The following SAMD5 variants were observed in gnomAD, a reference collection of about 807,000 sequenced individuals.
SAMD5 encodes the protein sterile alpha motif domain-containing protein 5.
In SAMD5, 13 loss-of-function variants were observed where a neutral mutation model predicts 11.3. That is an observed-to-expected ratio of 1.15 (90% CI 0.75 to 1.83). SAMD5 has a LOEUF of 1.83. Among genes scored for constraint, SAMD5 ranks in the 40% most tolerant of loss-of-function variants. The pLI, the probability that SAMD5 is intolerant of heterozygous loss-of-function variation, is 0.00. For missense variants in SAMD5, 255 were observed against 239.1 expected, an observed-to-expected ratio of 1.07 and a Z score of -0.44; for synonymous variants, 129 against 111.3, an observed-to-expected ratio of 1.16 and a Z score of -1.00.
At chr6:147,748,539 G>A in the SAMD5 span, among the ~76,000 whole-genome samples, 1 of 152,150 alleles carries the variant, frequency 6.6e-6, no homozygotes, top group African/African-American at 2.4e-5. Flanking sequence ...GGCCAATCCA[G>A]TGGAGAAAAT....
chr6:147,640,585 C>A (rs1218287552), intron 1 of SAMD5, among the ~76,000 whole-genome samples: 3 of 150,712 alleles, frequency 2.0e-5, no homozygotes, highest in Non-Finnish European at 4.4e-5. Flanking sequence ...AGGAGGAAGC[C>A]TTAAGCATGG....
intron 1 of SAMD5, among the ~76,000 whole-genome samples, chr6:147,596,112 C>T (rs1789528213): frequency 6.6e-6 from 1 of 152,144 alleles, no homozygotes; most frequent in South Asian, 2.1e-4. Flanking sequence ...AACTCAAGGC[C>T]ATGGAAAAGT....
the SAMD5 span, among the ~76,000 whole-genome samples, chr6:147,950,523 G>C: frequency 6.6e-6 from 1 of 152,062 alleles, no homozygotes; most frequent in African/African-American, 2.4e-5. Context: ...ACTCACATTT[G>C]GCCCCGACCT....
chr6:147,567,622 A>C lies in SAMD5; in HGVS notation c.*3166A>C. The C allele has an allele frequency of 1.0e-6, 1 of 980,754 alleles. No homozygotes were observed. Among genetic ancestry groups the C allele is most frequent in the Non-Finnish European group, 1.2e-6 (1 of 825,676 alleles). 60.8% of individuals were successfully genotyped at this position (980,754 alleles called of 1,614,324 possible). A position where few individuals can be genotyped will look rare whatever the true frequency, so the allele number is the denominator to read the frequency against. ...TACAGTCCTTGGCTCAGTGCTAGGC[A>C]TGTAGCAGGTGCTGACTGCCTCTCT... On this transcript the variant is annotated 3_prime_UTR_variant, in exon 2 of 2. Coordinates refer to ENST00000367474, the MANE Select transcript of SAMD5 (RefSeq NM_001030060.3).
chr6:147,654,118 C>A (rs1324467534), intron 1 of SAMD5, among the ~76,000 whole-genome samples: 1 of 152,158 alleles, frequency 6.6e-6, no homozygotes, highest in African/African-American at 2.4e-5. Flanking sequence ...CACGCTTTCT[C>A]CTCCAGGATA....
the SAMD5 span, among the ~76,000 whole-genome samples, chr6:147,885,644 A>T: frequency 2.6e-3 from 402 of 152,336 alleles, 1 homozygote; most frequent in African/African-American, 9.4e-3. Context: ...GAGACTGTAA[A>T]AAAGCAAAGC....
At chr6:147,541,386 A>G (rs971026628) in intron 1 of SAMD5, among the ~76,000 whole-genome samples, 1 of 152,224 alleles carries the variant, frequency 6.6e-6, no homozygotes, top group Non-Finnish European at 1.5e-5. Context: ...CAAAACACAC[A>G]TAACAAAACA....
chr6:147,924,638 C>A, the SAMD5 span, among the ~76,000 whole-genome samples: 6 of 151,592 alleles, frequency 4.0e-5, no homozygotes. Flanking sequence ...ATAAACCGAA[C>A]AAAACTAAAA....
intron 1 of SAMD5, among the ~76,000 whole-genome samples, chr6:147,610,440 G>A (rs1789766712): frequency 6.6e-6 from 1 of 152,154 alleles, no homozygotes; most frequent in Non-Finnish European, 1.5e-5. Flanking sequence ...CTCCAGGGAG[G>A]TGATTCCAGA....
intron 1 of SAMD5, among the ~76,000 whole-genome samples, chr6:147,693,138 A>G (rs1791126911): frequency 6.6e-6 from 1 of 152,202 alleles, no homozygotes; most frequent in South Asian, 2.1e-4. Flanking sequence ...TTCTGCCCCT[A>G]TGAGAGCACG....
At chr6:147,870,806 G>A in the SAMD5 span, among the ~76,000 whole-genome samples, 3 of 147,834 alleles carry the variant, frequency 2.0e-5, no homozygotes, top group Non-Finnish European at 4.5e-5. Flanking sequence ...AAGAGGGAAG[G>A]GGAGGGAGGA....
At chr6:147,915,147 A>G in the SAMD5 span, among the ~76,000 whole-genome samples, 1 of 152,218 alleles carries the variant, frequency 6.6e-6, no homozygotes, top group Non-Finnish European at 1.5e-5. Context: ...TATTGTGTCA[A>G]TGTTAAATAC....
At chr6:147,856,812 C>G in the SAMD5 span, among the ~76,000 whole-genome samples, 1 of 100,412 alleles carries the variant, frequency 1.0e-5, no homozygotes, top group South Asian at 2.9e-4. Flanking sequence ...ACTTAGTTTT[C>G]TGGGGGCGCG....
chr6:147,778,357 T>G, the SAMD5 span, among the ~76,000 whole-genome samples: 1 of 152,174 alleles, frequency 6.6e-6, no homozygotes, highest in African/African-American at 2.4e-5. Context: ...GACTCTAGGC[T>G]TCTCACTGCT....
chr6:147,931,950 A>G, the SAMD5 span, among the ~76,000 whole-genome samples: 1 of 152,210 alleles, frequency 6.6e-6, no homozygotes, highest in Non-Finnish European at 1.5e-5. Context: ...TTAAAGCAGT[A>G]CTTTGCCTGA....
chr6:147,932,876 C>T, the SAMD5 span, among the ~76,000 whole-genome samples: 88 of 152,104 alleles, frequency 5.8e-4, no homozygotes, highest in African/African-American at 2.0e-3. Flanking sequence ...TCTTGAACTT[C>T]GGTAAATTGA....
At chr6:147,732,638 AT>A (rs1201498123) in intron 1 of SAMD5, among the ~76,000 whole-genome samples, 1 of 152,164 alleles carries the variant, frequency 6.6e-6, no homozygotes, top group Non-Finnish European at 1.5e-5. Flanking sequence ...TGAGTTTCAG[AT>A]TTATTTTTGA....
intron 1 of SAMD5, among the ~76,000 whole-genome samples, chr6:147,514,339 T>C (rs1044235862): frequency 9.9e-5 from 15 of 151,516 alleles, no homozygotes; most frequent in African/African-American, 3.6e-4. Flanking sequence ...GTGGAACCAG[T>C]GAGGGAGGAG....
At chr6:147,893,022 G>A in the SAMD5 span, among the ~76,000 whole-genome samples, 2 of 152,090 alleles carry the variant, frequency 1.3e-5, no homozygotes, top group African/African-American at 4.8e-5. Flanking sequence ...AGACCAGCCT[G>A]ACCAACGTGG....
Sources: allele counts gnomAD v4.1 joint callset (sites outside exome capture counted in the v4.1 genomes callset), GRCh38; gene constraint gnomAD v4.1.1; transcripts MANE v1.5; gene names NCBI Gene and HGNC (gene_info 2026-07-23, HGNC 2026-07-21).